The following TAFA1 variants were observed in gnomAD, a reference collection of about 807,000 sequenced individuals.
The protein encoded by TAFA1 is TAFA chemokine like family member 1.
A neutral mutation model predicts 18.5 loss-of-function variants in TAFA1; 4 were observed. The observed-to-expected ratio is 0.22, with a 90% confidence interval of 0.11 to 0.49. TAFA1 has a LOEUF of 0.49. Ranked by LOEUF, TAFA1 falls within the 20% of genes least tolerant of loss-of-function variation. TAFA1 has a pLI of 0.98. For synonymous variants in TAFA1, 56 were observed against 55.2 expected (o/e 1.01, Z -0.06); for missense variants, 147 against 169.0 (o/e 0.87, Z 0.72).
intron 2 of TAFA1, among the ~76,000 whole-genome samples, chr3:68,071,318 T>A (rs765334480): frequency 2.0e-5 from 3 of 152,152 alleles, no homozygotes; most frequent in Non-Finnish European, 4.4e-5. Context: ...CTCGTGAGAC[T>A]TTTTCACTAT....
At chr3:68,486,761 AT>A (rs1159516950) in intron 3 of TAFA1, among the ~76,000 whole-genome samples, 1 of 152,172 alleles carries the variant, frequency 6.6e-6, no homozygotes, top group Non-Finnish European at 1.5e-5. Flanking sequence ...CATTCAGTTA[AT>A]TACCTGGATG....
At chr3:68,055,238 G>A (rs968044160) in intron 2 of TAFA1, among the ~76,000 whole-genome samples, 80 of 152,280 alleles carry the variant, frequency 5.3e-4, no homozygotes, top group African/African-American at 1.6e-3. Context: ...TAAGGGCTGA[G>A]GAGCAGAGGA....
chr3:68,465,483 T>C (rs538881671), intron 3 of TAFA1, among the ~76,000 whole-genome samples: 2 of 152,310 alleles, frequency 1.3e-5, no homozygotes, highest in East Asian at 3.9e-4. Flanking sequence ...ATTTGCTAGG[T>C]CCTGTCCAGT....
intron 2 of TAFA1, among the ~76,000 whole-genome samples, chr3:68,189,694 C>G (rs921107727): frequency 6.6e-6 from 1 of 151,884 alleles, no homozygotes; most frequent in Non-Finnish European, 1.5e-5. Flanking sequence ...TTAATTTGAA[C>G]TATTTAAAGT....
At chr3:68,089,668 G>T (rs1259973215) in intron 2 of TAFA1, among the ~76,000 whole-genome samples, 1 of 152,112 alleles carries the variant, frequency 6.6e-6, no homozygotes, top group Non-Finnish European at 1.5e-5. Context: ...CAATCTTTGT[G>T]GTTGAAATGT....
At chr3:68,444,535 T>G (rs933656519) in intron 3 of TAFA1, among the ~76,000 whole-genome samples, 1 of 152,074 alleles carries the variant, frequency 6.6e-6, no homozygotes, top group Non-Finnish European at 1.5e-5. Flanking sequence ...CTTGGGTGAA[T>G]AGTTAACCAT....
chr3:68,288,247 G>T (rs1225974607), intron 2 of TAFA1, among the ~76,000 whole-genome samples: 1 of 152,122 alleles, frequency 6.6e-6, no homozygotes, highest in Non-Finnish European at 1.5e-5. Context: ...AAACAGAGCC[G>T]GGTTCCAGGC....
intron 2 of TAFA1, among the ~76,000 whole-genome samples, chr3:68,205,002 A>G (rs1349940015): frequency 6.6e-6 from 1 of 151,636 alleles, no homozygotes; most frequent in Non-Finnish European, 1.5e-5. Flanking sequence ...AGATTGGCCA[A>G]TTGCAGATCT....
chr3:68,111,981 G>T (rs1048470711), intron 2 of TAFA1, among the ~76,000 whole-genome samples: 2 of 152,164 alleles, frequency 1.3e-5, no homozygotes, highest in South Asian at 2.1e-4. Context: ...AACACTGACT[G>T]TTGGGTAATC....
intron 2 of TAFA1, chr3:68,145,434 C>T: frequency 1.2e-6 from 1 of 847,816 alleles, no homozygotes; most frequent in South Asian, 1.3e-5. Flanking sequence ...ATAGAAGAGG[C>T]TGTGAAAGGC....
chr3:68,373,871 T>A (rs2069759963), intron 2 of TAFA1, among the ~76,000 whole-genome samples: 1 of 152,222 alleles, frequency 6.6e-6, no homozygotes, highest in Admixed American at 6.5e-5. Context: ...TTGTTAGGAC[T>A]CCCTTTCATG....
intron 2 of TAFA1, among the ~76,000 whole-genome samples, chr3:68,268,924 C>T (rs917196981): frequency 3.9e-5 from 6 of 152,190 alleles, no homozygotes; most frequent in African/African-American, 1.4e-4. Flanking sequence ...TACCCCATTA[C>T]ATTCTGGCAT....
At chr3:68,397,335 C>T (rs1019934031) in intron 2 of TAFA1, among the ~76,000 whole-genome samples, 4 of 152,044 alleles carry the variant, frequency 2.6e-5, no homozygotes, top group Admixed American at 6.6e-5. Flanking sequence ...CAACAGGCCC[C>T]GGTGTGTGAT....
chr3:68,349,849 A>G (rs982514425), intron 2 of TAFA1, among the ~76,000 whole-genome samples: 1 of 152,144 alleles, frequency 6.6e-6, no homozygotes, highest in Non-Finnish European at 1.5e-5. Context: ...AAGGGAGCCC[A>G]GAAGATCAGC....
At position 68,220,418 on chromosome 3, in the gene TAFA1, A is replaced by G. The variant is rs568576533; in HGVS notation, c.119-196862A>G. Among the ~76,000 whole-genome samples the G allele has an allele frequency of 8.5e-5, 13 of 152,154 alleles. 1 individual carries two copies. The South Asian group carries it at 2.7e-3, about 32-fold the overall frequency. ...AAGCAGGCTCACAACTTTAGCACAT[A>G]TTACAACTTTAGTGTGCAGTTCTTT... On this transcript the variant is annotated intron_variant, in intron 2 of 4. Coordinates refer to ENST00000478136, the MANE Select transcript of TAFA1 (RefSeq NM_213609.4).
In TAFA1 at chr3:68,293,043, T is replaced by TAA. The variant is rs5849813; in HGVS notation, c.119-124228_119-124227dup. Among the ~76,000 whole-genome samples, 917 of 150,602 alleles carry TAA rather than the reference T, an allele frequency of 6.1e-3. 15 individuals are homozygous for TAA. Among genetic ancestry groups the TAA allele is most frequent in the African/African-American group, 0.02 (810 of 41,134 alleles). ...GACTGTTAGTATAAAAGGATGACTT[T>TAA]AAAAAAAAAATGCCTTAGGTTTGTA... On this transcript the variant is annotated intron_variant, in intron 2 of 4. Transcript: ENST00000478136.
chr3:68,330,081 T>C (rs2068839979), intron 2 of TAFA1, among the ~76,000 whole-genome samples: 1 of 152,188 alleles, frequency 6.6e-6, no homozygotes, highest in Non-Finnish European at 1.5e-5. Flanking sequence ...TGTGACTGTG[T>C]ATCAGTACCA....
chr3:68,018,132 T>G (rs1704605862), intron 2 of TAFA1, among the ~76,000 whole-genome samples: 1 of 152,164 alleles, frequency 6.6e-6, no homozygotes, highest in Non-Finnish European at 1.5e-5. Context: ...AAAACAAGAT[T>G]TTATTTCTTA....
chr3:68,530,695 G>A (rs977514590), intron 3 of TAFA1, among the ~76,000 whole-genome samples: 2 of 152,140 alleles, frequency 1.3e-5, no homozygotes, highest in Non-Finnish European at 2.9e-5. Context: ...TCATGGCTTC[G>A]AAAATGGTTC....
Sources: allele counts gnomAD v4.1 joint callset (sites outside exome capture counted in the v4.1 genomes callset), GRCh38; gene constraint gnomAD v4.1.1; transcripts MANE v1.5; gene names NCBI Gene and HGNC (gene_info 2026-07-23, HGNC 2026-07-21).